LPCAT2: variants seen among roughly 807,000 people sequenced by gnomAD.
The protein encoded by LPCAT2 is lysophosphatidylcholine acyltransferase 2, also known as 1-AGP acyltransferase 11.
Under a neutral mutation model 64.7 loss-of-function variants are expected in LPCAT2, and 58 were observed. The ratio of observed to expected loss-of-function variants is 0.90; its 90% CI spans 0.73 to 1.12. The LOEUF (loss-of-function observed/expected upper bound fraction) is 1.12. Among genes scored for constraint, LPCAT2 ranks in the 50% most tolerant of loss-of-function variants. The pLI is 0.00. For synonymous variants in LPCAT2, 252 were observed against 245.3 expected (o/e 1.03, Z -0.26); for missense variants, 579 against 669.8 (o/e 0.86, Z 1.50).
At chr16:55,539,249 T>C (rs1412255399) in intron 8 of LPCAT2, 2 of 7,770 alleles carry the variant, frequency 2.6e-4, no homozygotes, top group East Asian at 0.029. Context: ...ATGGCTTTCT[T>C]TTTTTTTTTC....
intron 11 of LPCAT2, among the ~76,000 whole-genome samples, chr16:55,562,265 G>C (rs146604417): frequency 1.4e-4 from 22 of 151,918 alleles, no homozygotes; most frequent in African/African-American, 5.1e-4. Context: ...TTGCTAGACT[G>C]TCCTTTTATA....
At chr16:55,572,509 A>G (rs994938314) in intron 11 of LPCAT2, among the ~76,000 whole-genome samples, 1 of 152,238 alleles carries the variant, frequency 6.6e-6, no homozygotes, top group African/African-American at 2.4e-5. Flanking sequence ...TCTAAGGTTC[A>G]GTAAAAACAG....
At chr16:55,565,647 G>A (rs1340858478) in intron 11 of LPCAT2, among the ~76,000 whole-genome samples, 2 of 152,068 alleles carry the variant, frequency 1.3e-5, no homozygotes, top group African/African-American at 4.8e-5. Context: ...GGCATGCAGA[G>A]TAGTCAAATC....
intron 1 of LPCAT2, among the ~76,000 whole-genome samples, chr16:55,519,883 C>A (rs1237317745): frequency 1.3e-5 from 2 of 151,146 alleles, no homozygotes; most frequent in East Asian, 1.9e-4. Context: ...CAACTGCTGA[C>A]TAAAAGTACA....
chr16:55,513,085 A>G (rs1567388610), intron 1 of LPCAT2, among the ~76,000 whole-genome samples: 1 of 152,212 alleles, frequency 6.6e-6, no homozygotes, highest in Non-Finnish European at 1.5e-5. Flanking sequence ...TAGACATTCA[A>G]AGAAATAGGA....
At position 55,549,370 on chromosome 16, in the gene LPCAT2, G is replaced by T. The variant is rs1963490035; in HGVS notation, c.1029G>T (p.Leu343=). Residue 343 remains leucine, a synonymous_variant, in exon 10 of 14, where the codon CTG becomes CTT. Coordinates refer to ENST00000262134, the MANE Select transcript of LPCAT2 (RefSeq NM_017839.5). Reference sequence around the variant, plus strand: ...TAACATTGCCTATGGAAGCTGGGCTGGTGGAATTTACTAAAATTAGCCGAA... The same window carrying T: ...TAACATTGCCTATGGAAGCTGGGCTTGTGGAATTTACTAAAATTAGCCGAA... ...GQLTLPMEAG[L]VEFTKISRKL... 1 of 1,594,924 alleles carries T rather than the reference G, an allele frequency of 6.3e-7. No homozygotes were observed. The highest frequency in any genetic ancestry group is 1.4e-5 in the African/African-American group (1 of 73,436).
At chr16:55,521,458 A>C (rs1963094559) in intron 1 of LPCAT2, among the ~76,000 whole-genome samples, 1 of 151,820 alleles carries the variant, frequency 6.6e-6, no homozygotes, top group Non-Finnish European at 1.5e-5. Context: ...GAAGTGTGGA[A>C]CAGTACCTAA....
intron 5 of LPCAT2, 181 bp from the exon 6 acceptor site, chr16:55,532,643 A>G: frequency 3.8e-6 from 1 of 265,534 alleles, no homozygotes; most frequent in Non-Finnish European, 7.0e-6. Flanking sequence ...GTAGTTCTTA[A>G]TTAAAAAAAA....
At chr16:55,572,180 T>C (rs1169825218) in intron 11 of LPCAT2, among the ~76,000 whole-genome samples, 3 of 152,198 alleles carry the variant, frequency 2.0e-5, no homozygotes, top group Non-Finnish European at 1.5e-5. Flanking sequence ...CTAGTGGTAA[T>C]GTTAAGAGTT....
intron 8 of LPCAT2, among the ~76,000 whole-genome samples, chr16:55,543,908 A>T (rs950611151): frequency 2.5e-4 from 38 of 152,234 alleles, no homozygotes; most frequent in Non-Finnish European, 4.4e-4. Flanking sequence ...GGAAATAATC[A>T]GATAAATGTG....
At chr16:55,549,434 T>C (rs1455520703) in intron 10 of LPCAT2, 32 bp downstream of exon 10, 2 of 1,561,916 alleles carry the variant, frequency 1.3e-6, no homozygotes, top group African/African-American at 2.8e-5. Flanking sequence ...TACACTTTCA[T>C]AAAGTTGTCC....
At chr16:55,560,348 A>T (rs1249849563) in intron 11 of LPCAT2, among the ~76,000 whole-genome samples, 1 of 152,122 alleles carries the variant, frequency 6.6e-6, no homozygotes, top group Non-Finnish European at 1.5e-5. Context: ...GAAAGGCTTC[A>T]TCTAAAGTGG....
Position 55,519,526 on chromosome 16 carries a change from AAG to A in LPCAT2, c.172-5980_172-5979del, listed in dbSNP as rs1379729102. Among the ~76,000 whole-genome samples the A allele has an allele frequency of 9.9e-5, 15 of 151,630 alleles. 1 individual carries two copies. Among genetic ancestry groups the A allele is most frequent in the African/African-American group, 2.4e-5 (1 of 41,336 alleles). On this transcript the variant is annotated intron_variant, in intron 1 of 13. Coordinates refer to ENST00000262134, the MANE Select transcript of LPCAT2 (RefSeq NM_017839.5). ...TCCATCACAAAAAAAAAAAGAAAGA[AAG>A]AAGAGAAATGGTAAAGAACATTTTT...
intron 5 of LPCAT2, 110 bp from the exon 6 acceptor site, chr16:55,532,714 A>G: frequency 1.5e-6 from 1 of 677,454 alleles, no homozygotes; most frequent in East Asian, 3.0e-5. Flanking sequence ...GATTTCTGTT[A>G]CACATACTCT....
intron 12 of LPCAT2, among the ~76,000 whole-genome samples, chr16:55,576,796 A>G (rs567380421): frequency 6.6e-5 from 10 of 152,320 alleles, no homozygotes; most frequent in African/African-American, 1.9e-4. Flanking sequence ...CCTTAGATCT[A>G]GGAACTTTGT....
At chr16:55,582,406 A>G (rs1963897180) in intron 13 of LPCAT2, among the ~76,000 whole-genome samples, 1 of 152,192 alleles carries the variant, frequency 6.6e-6, no homozygotes, top group African/African-American at 2.4e-5. Context: ...CTTTATATAA[A>G]TAGACTCATA....
In LPCAT2 at chr16:55,579,093, AT is replaced by A; in HGVS notation, c.1315-12del. On this transcript the variant is annotated splice_polypyrimidine_tract_variant and intron_variant, in intron 12 of 13. Transcript: ENST00000262134. ...TGATCCTGAGGGAGCTAATTCTTAC[AT>A]TTTATTTTCTTCAGCTGTTTGACGT... The A allele has an allele frequency of 6.2e-7, 1 of 1,611,336 alleles. No homozygotes were observed. Among genetic ancestry groups the A allele is most frequent in the Non-Finnish European group, 8.5e-7 (1 of 1,178,736 alleles).
At chr16:55,566,592 C>T in intron 11 of LPCAT2, 1 of 692,480 alleles carries the variant, frequency 1.4e-6, no homozygotes, top group Non-Finnish European at 2.3e-6. Flanking sequence ...TCATGGAACT[C>T]AGGTATCTTC....
intron 12 of LPCAT2, 162 bp from the exon 13 acceptor site, chr16:55,578,947 C>A (rs1963859058): frequency 9.0e-6 from 6 of 663,330 alleles, no homozygotes; most frequent in Non-Finnish European, 1.6e-5. Context: ...AAACACCAAG[C>A]TACAGGTGTT....
Sources: allele counts gnomAD v4.1 joint callset (sites outside exome capture counted in the v4.1 genomes callset), GRCh38; gene constraint gnomAD v4.1.1; transcripts MANE v1.5; gene names NCBI Gene and HGNC (gene_info 2026-07-23, HGNC 2026-07-21).